Variants in MYSM1 observed in about 807,000 individuals in gnomAD.
MYSM1 encodes Myb like, SWIRM and MPN domains 1.
A neutral mutation model predicts 116.0 loss-of-function variants in MYSM1; 51 were observed. The observed-to-expected ratio is 0.44, with a 90% CI of 0.35 to 0.56. The LOEUF is 0.56. Among genes scored for constraint, MYSM1 ranks in the 20% least tolerant of loss-of-function variants. The pLI is 0.00. For synonymous variants in MYSM1, 313 were observed against 315.2 expected (o/e 0.99, Z 0.07); for missense variants, 900 against 974.9 (o/e 0.92, Z 1.02).
At chr1:58,677,769 T>C (rs888861820) in intron 8 of MYSM1, among the ~76,000 whole-genome samples, 1 of 152,164 alleles carries the variant, frequency 6.6e-6, no homozygotes, top group Non-Finnish European at 1.5e-5. Context: ...AGCCAGATTA[T>C]TGTGCTGAGT....
At chr1:58,692,540 T>TA (rs1644918574) in intron 3 of MYSM1, 1 of 189,202 alleles carries the variant, frequency 5.3e-6, no homozygotes, top group Non-Finnish European at 1.1e-5. Context: ...TTTCAGCTTA[T>TA]ATAACTTAAA....
At chr1:58,694,657 C>G (rs1644948533) in intron 2 of MYSM1, among the ~76,000 whole-genome samples, 1 of 151,964 alleles carries the variant, frequency 6.6e-6, no homozygotes, top group African/African-American at 2.4e-5. Flanking sequence ...GAAATAAGCC[C>G]TGTGACAATC....
At position 58,657,040 on chromosome 1, in the gene MYSM1, A is replaced by T. The variant is rs1292324778; in HGVS notation, c.*2957T>A. The T allele has an allele frequency of 6.6e-6, 1 of 152,182 alleles. No homozygotes were observed. Among genetic ancestry groups the T allele is most frequent in the East Asian group, 1.9e-4 (1 of 5,188 alleles). The allele number at this position is 152,182 out of a possible 1,614,324, so 9.4% of individuals were successfully genotyped here. ...ACAGGGTCAAACAAACTGTAACTGA[A>T]GCAATGTAACTTGAACTGGAAACTG... On this transcript the variant is annotated 3_prime_UTR_variant, in exon 20 of 20. Coordinates refer to ENST00000472487, the MANE Select transcript of MYSM1 (RefSeq NM_001085487.3).
chr1:58,675,030 A>G (rs1485173692), intron 10 of MYSM1, among the ~76,000 whole-genome samples: 1 of 151,478 alleles, frequency 6.6e-6, no homozygotes, highest in Admixed American at 6.6e-5. Context: ...CTTTATTTTT[A>G]AAGTATGATT....
rs747234345 is a variant in MYSM1, at chr1:58,681,873, TTTC to T, written c.1168_1170del (p.Glu390del). The T allele has an allele frequency of 3.1e-6, 5 of 1,613,688 alleles. No homozygotes were observed. Among genetic ancestry groups the T allele is most frequent in the Non-Finnish European group, 3.4e-6 (4 of 1,179,938 alleles). ...TCAAAAAACTCAGGAATTGCTTGTT[TTTC>T]TTCTTCTTGAATGATATTTCTATCT... is the stretch of plus-strand genomic sequence containing the variant. On this transcript the variant is annotated inframe_deletion, in exon 8 of 20. Coordinates refer to ENST00000472487, the MANE Select transcript of MYSM1 (RefSeq NM_001085487.3).
chr1:58,685,286 G>T, intron 6 of MYSM1, 35 bp from the exon 7 acceptor site: 1 of 1,497,786 alleles, frequency 6.7e-7, no homozygotes, highest in Non-Finnish European at 9.1e-7. Flanking sequence ...AATTGCTTTT[G>T]ATGAATTTAC....
intron 12 of MYSM1, among the ~76,000 whole-genome samples, chr1:58,669,522 A>G (rs1644524169): frequency 6.6e-6 from 1 of 152,180 alleles, no homozygotes; most frequent in African/African-American, 2.4e-5. Flanking sequence ...TACTCCTATC[A>G]TAAACTCTTC....
intron 6 of MYSM1, among the ~76,000 whole-genome samples, chr1:58,685,579 A>G (rs1282577935): frequency 2.0e-5 from 3 of 152,232 alleles, no homozygotes; most frequent in Admixed American, 6.5e-5. Context: ...TTTAAAATAA[A>G]TAAGTGCCTG....
chr1:58,667,310 GA>G lies in MYSM1; in HGVS notation c.1843-85del, dbSNP rs1224494917. 3.6e-6 allele frequency: 4 copies of G among 1,124,446 alleles called. No homozygotes were observed. In the South Asian group the frequency reaches 9.5e-5, roughly 27 times the overall value. The allele number at this position is 1,124,446 out of a possible 1,614,324, so 69.7% of individuals were successfully genotyped here. A position where few individuals can be genotyped will look rare whatever the true frequency, so the allele number is the denominator to read the frequency against. On this transcript the variant is annotated intron_variant, in intron 15 of 19. Transcript: ENST00000472487. The stretch of plus-strand genomic sequence containing the variant: ...ATGTTATAATTCTTTCAAAGATACG[GA>G]AACTTTTCAAGGCCAAGACTTTTAT...
chr1:58,656,098 A>C lies in MYSM1; in HGVS notation c.*3899T>G, dbSNP rs536433625. ...CAGCTCACCTCATCAGGACCCAGGA[A>C]GAGAAATGGGAGGAAGGTAATGCAG... On this transcript the variant is annotated 3_prime_UTR_variant, in exon 20 of 20. Transcript: ENST00000472487. 2.6e-5 allele frequency: 4 copies of C among 152,296 alleles called. No individual in the cohort carries two copies. In the South Asian group the frequency reaches 8.3e-4, roughly 32 times the overall value. The allele number at this position is 152,296 out of a possible 1,614,324, so 9.4% of individuals were successfully genotyped here. A position where few individuals can be genotyped will look rare whatever the true frequency, so the allele number is the denominator to read the frequency against.
At chr1:58,698,002 G>C (rs995394107) in intron 1 of MYSM1, among the ~76,000 whole-genome samples, 1 of 147,016 alleles carries the variant, frequency 6.8e-6, no homozygotes, top group Non-Finnish European at 1.5e-5. Context: ...AATATCAACT[G>C]TAACTACATA....
At position 58,657,696 on chromosome 1, in the gene MYSM1, C is replaced by T. The variant is rs954819720; in HGVS notation, c.*2301G>A. Reference sequence around the variant, plus strand: ...AGCACTGAGATATTTGTACTTCACACTTCTCTGTATTTTAAAATATACTTT... The same window carrying T: ...AGCACTGAGATATTTGTACTTCACATTTCTCTGTATTTTAAAATATACTTT... On this transcript the variant is annotated 3_prime_UTR_variant, in exon 20 of 20. Transcript: ENST00000472487. The T allele has an allele frequency of 1.3e-5, 2 of 152,030 alleles. No homozygotes were observed. The highest frequency in any genetic ancestry group is 1.3e-4 in the Admixed American group (2 of 15,234). 9.4% of individuals were successfully genotyped at this position (152,030 alleles called of 1,614,324 possible).
At chr1:58,695,248 A>C in intron 1 of MYSM1, 41 bp from the exon 2 acceptor site, 1 of 1,284,096 alleles carries the variant, frequency 7.8e-7, no homozygotes, top group African/African-American at 1.5e-5. Context: ...TGAAAATCAT[A>C]TTAGTTAATG....
intron 12 of MYSM1, 151 bp from the exon 13 acceptor site, chr1:58,669,189 G>GAACA: frequency 1.8e-6 from 1 of 568,332 alleles, no homozygotes; most frequent in Non-Finnish European, 3.0e-6. Context: ...CCTTTCGAAA[G>GAACA]AAGCACTGTT....
chr1:58,664,849 G>T (rs1337454569), intron 17 of MYSM1, among the ~76,000 whole-genome samples: 1 of 152,184 alleles, frequency 6.6e-6, no homozygotes, highest in African/African-American at 2.4e-5. Flanking sequence ...AGTAATGACA[G>T]AATAAATATC....
At chr1:58,695,034 G>T (rs181857416) in intron 2 of MYSM1, 95 bp downstream of exon 2, 4 of 591,884 alleles carry the variant, frequency 6.8e-6, no homozygotes, top group South Asian at 2.6e-5. Flanking sequence ...TGTGATAGTT[G>T]AGAACTAGCA....
intron 3 of MYSM1, among the ~76,000 whole-genome samples, chr1:58,692,140 T>C (rs1644914131): frequency 6.6e-6 from 1 of 152,186 alleles, no homozygotes; most frequent in African/African-American, 2.4e-5. Context: ...CTAAATGGGG[T>C]TAACCTATGA....
Position 58,667,234 on chromosome 1 carries a change from C to A in MYSM1, c.1843-8G>T. On this transcript the variant is annotated splice_region_variant and splice_polypyrimidine_tract_variant and intron_variant, in intron 15 of 19. Transcript: ENST00000472487. ...TGGTTCTGCTGCACAGACCTATAAA[C>A]GATTGATCCTCAAATGATTATACTA... The A allele has an allele frequency of 1.3e-6, 2 of 1,505,060 alleles. No individual in the cohort carries two copies. The highest frequency in any genetic ancestry group is 1.4e-5 in the South Asian group (1 of 72,666). 93.2% of individuals were successfully genotyped at this position (1,505,060 alleles called of 1,614,324 possible). A position where few individuals can be genotyped will look rare whatever the true frequency, so the allele number is the denominator to read the frequency against.
chr1:58,687,948 G>C (rs966709968), intron 6 of MYSM1, among the ~76,000 whole-genome samples: 1 of 152,112 alleles, frequency 6.6e-6, no homozygotes, highest in Non-Finnish European at 1.5e-5. Flanking sequence ...GTGTGTGTGT[G>C]TGTCTTTCTT....
Sources: gnomAD v4.1 joint callset for allele counts (sites outside exome capture counted in the v4.1 genomes callset) on GRCh38, gnomAD v4.1.1 for gene constraint, MANE v1.5 for transcripts, NCBI Gene and HGNC (gene_info 2026-07-23, HGNC 2026-07-21) for gene names.